The following TBC1D19 variants were observed in gnomAD, a reference collection of about 807,000 sequenced individuals.
The protein encoded by TBC1D19 is TBC1 domain family member 19.
In TBC1D19, 60 loss-of-function variants were observed where a neutral mutation model predicts 89.0. That is an observed-to-expected ratio of 0.67 (90% CI 0.55 to 0.84). TBC1D19 has a LOEUF of 0.84. Ranked by LOEUF, TBC1D19 falls within the 40% of genes least tolerant of loss-of-function variation. The pLI, the probability that TBC1D19 is intolerant of heterozygous loss-of-function variation, is 0.00. For missense variants in TBC1D19, 500 were observed against 610.8 expected, an observed-to-expected ratio of 0.82 and a Z score of 1.91; for synonymous variants, 189 against 199.7, an observed-to-expected ratio of 0.95 and a Z score of 0.45.
intron 7 of TBC1D19, among the ~76,000 whole-genome samples, chr4:26,645,895 G>A (rs551378115): frequency 1.7e-3 from 256 of 151,860 alleles, no homozygotes; most frequent in Non-Finnish European, 2.5e-3. Flanking sequence ...AGGCCGAGGC[G>A]GGCGGATCAC....
At chr4:26,588,318 C>T (rs992078648) in intron 1 of TBC1D19, among the ~76,000 whole-genome samples, 1 of 152,162 alleles carries the variant, frequency 6.6e-6, no homozygotes, top group East Asian at 1.9e-4. Flanking sequence ...AGCCACCGCA[C>T]CTGGCCATGT....
chr4:26,708,989 T>C (rs1715952935), intron 13 of TBC1D19, among the ~76,000 whole-genome samples: 1 of 151,996 alleles, frequency 6.6e-6, no homozygotes, highest in Non-Finnish European at 1.5e-5. Context: ...AATTTTTTTT[T>C]TTTTGGCCCT....
chr4:26,790,163 T>C, the TBC1D19 span, among the ~76,000 whole-genome samples: 2 of 152,170 alleles, frequency 1.3e-5, no homozygotes. Context: ...ACTGCACCTG[T>C]ACCTTCTAAA....
chr4:26,842,340 C>CTTTTTTTTT, the TBC1D19 span, among the ~76,000 whole-genome samples: 23 of 81,598 alleles, frequency 2.8e-4, no homozygotes, highest in South Asian at 1.0e-3. Flanking sequence ...CTTTTCTTTT[C>CTTTTTTTTT]TTTTTTTTTT....
downstream of TBC1D19, among the ~76,000 whole-genome samples, chr4:26,757,101 C>T (rs917377735): frequency 4.6e-5 from 7 of 152,110 alleles, no homozygotes; most frequent in African/African-American, 1.4e-4. Flanking sequence ...GCAACCTCCA[C>T]CTCCTGGGTT....
chr4:26,611,112 T>C (rs1424757632), intron 1 of TBC1D19, among the ~76,000 whole-genome samples: 1 of 152,144 alleles, frequency 6.6e-6, no homozygotes, highest in Non-Finnish European at 1.5e-5. Context: ...TGGCATGTTA[T>C]TTTTTGACTT....
chr4:26,851,339 A>ATCTGTCTGTCTG, the TBC1D19 span, among the ~76,000 whole-genome samples: 61 of 150,422 alleles, frequency 4.1e-4, no homozygotes, highest in African/African-American at 1.5e-3. Context: ...CTATCTATCT[A>ATCTGTCTGTCTG]TCTATCTATC....
chr4:26,841,392 A>C, the TBC1D19 span, among the ~76,000 whole-genome samples: 1 of 151,904 alleles, frequency 6.6e-6, no homozygotes, highest in Non-Finnish European at 1.5e-5. Context: ...TCTCAAAAAA[A>C]AAAAAAAAAA....
intron 4 of TBC1D19, among the ~76,000 whole-genome samples, chr4:26,628,859 A>C (rs1742608761): frequency 6.6e-6 from 1 of 152,074 alleles, no homozygotes; most frequent in South Asian, 2.1e-4. Context: ...GAAATAAAAG[A>C]GGATACAAAC....
intron 11 of TBC1D19, among the ~76,000 whole-genome samples, chr4:26,679,696 C>A (rs529849021): frequency 1.3e-5 from 2 of 152,322 alleles, no homozygotes; most frequent in African/African-American, 2.4e-5. Context: ...CACCCAATGC[C>A]AGCCTGTGAA....
intron 1 of TBC1D19, among the ~76,000 whole-genome samples, chr4:26,610,861 A>G (rs1159311895): frequency 2.6e-5 from 4 of 152,106 alleles, no homozygotes; most frequent in African/African-American, 9.6e-5. Flanking sequence ...ATGGGCATTT[A>G]GGTTGATTCC....
chr4:26,650,941 C>T (rs1449269095), intron 7 of TBC1D19, among the ~76,000 whole-genome samples: 1 of 152,156 alleles, frequency 6.6e-6, no homozygotes, highest in Non-Finnish European at 1.5e-5. Flanking sequence ...TATGGTTAGC[C>T]AGTTTTCCCA....
chr4:26,737,357 A>G (rs914963579), intron 16 of TBC1D19, among the ~76,000 whole-genome samples: 2 of 152,186 alleles, frequency 1.3e-5, no homozygotes, highest in African/African-American at 4.8e-5. Flanking sequence ...ATAAATTTTT[A>G]CATCTAATAA....
At chr4:26,615,727 T>C (rs1741643928) in intron 3 of TBC1D19, among the ~76,000 whole-genome samples, 1 of 152,214 alleles carries the variant, frequency 6.6e-6, no homozygotes, top group African/African-American at 2.4e-5. Context: ...TAATGTTAGA[T>C]ATAAGTGCTA....
chr4:26,753,972 G>A (rs1035443203), intron 20 of TBC1D19, 82 bp downstream of exon 20: 1 of 1,466,986 alleles, frequency 6.8e-7, no homozygotes, highest in Non-Finnish European at 9.5e-7. Context: ...TGTTGCATAG[G>A]ACACGCGTTA....
At chr4:26,638,666 T>C in intron 5 of TBC1D19, 105 bp from the exon 6 acceptor site, 1 of 818,134 alleles carries the variant, frequency 1.2e-6, no homozygotes. Flanking sequence ...TATACTGTTA[T>C]GGTCATTTAT....
intron 11 of TBC1D19, among the ~76,000 whole-genome samples, chr4:26,683,254 T>G (rs1454069421): frequency 6.6e-6 from 1 of 152,198 alleles, no homozygotes; most frequent in African/African-American, 2.4e-5. Context: ...TTTATGGCCT[T>G]GGATAGCAAG....
At chr4:26,592,785 T>C (rs1324439928) in intron 1 of TBC1D19, among the ~76,000 whole-genome samples, 4 of 151,958 alleles carry the variant, frequency 2.6e-5, no homozygotes, top group Non-Finnish European at 5.9e-5. Flanking sequence ...TTACAAGGGA[T>C]GTGAAGGACC....
chr4:26,621,790 C>T lies in TBC1D19; in HGVS notation c.294+1102C>T, dbSNP rs1676132387. ...TTGTCATAAAGCATAATAAATAATA[C>T]ATATATGAAAGAATTGTGGGTTTTT... On this transcript the variant is annotated intron_variant, in intron 4 of 20. Transcript: ENST00000264866. Among the ~76,000 whole-genome samples the T allele has an allele frequency of 2.6e-5, 4 of 151,770 alleles. No homozygotes were observed. In the South Asian group the frequency reaches 8.4e-4, roughly 32 times the overall value.
Sources: gnomAD v4.1 joint callset for allele counts (sites outside exome capture counted in the v4.1 genomes callset) on GRCh38, gnomAD v4.1.1 for gene constraint, MANE v1.5 for transcripts, NCBI Gene and HGNC (gene_info 2026-07-23, HGNC 2026-07-21) for gene names.